DYNC2H1: variants seen among roughly 807,000 people sequenced by gnomAD.
DYNC2H1 encodes dynein cytoplasmic 2 heavy chain 1.
Under a neutral mutation model 570.0 loss-of-function variants are expected in DYNC2H1, and 410 were observed. That is an observed-to-expected ratio of 0.72 (90% CI 0.66 to 0.78). DYNC2H1 has a LOEUF of 0.78. DYNC2H1 is among the 30% of genes least tolerant of loss of function. The pLI, the probability that DYNC2H1 is intolerant of heterozygous loss-of-function variation, is 0.00. For missense variants in DYNC2H1, 4,865 were observed against 5,046.4 expected (o/e 0.96, Z 1.09); for synonymous variants, 1,688 against 1,677.6 (o/e 1.01, Z -0.15).
chr11:103,256,001 C>A lies in DYNC2H1; in HGVS notation c.10327-105C>A. 1.0e-6 allele frequency: 1 copy of A among 978,032 alleles called. No individual in the cohort carries two copies. Among genetic ancestry groups the A allele is most frequent in the Non-Finnish European group, 1.4e-6 (1 of 695,682 alleles). 60.6% of individuals were successfully genotyped at this position (978,032 alleles called of 1,614,324 possible). A position where few individuals can be genotyped will look rare whatever the true frequency, so the allele number is the denominator to read the frequency against. On this transcript the variant is annotated intron_variant, in intron 67 of 88. Transcript: ENST00000375735. The surrounding 1 kb of genome is among the most constrained non-coding windows in gnomAD (Gnocchi z 4.0). ...AAATGTTGAAATTCTTCTAAAATAA[C>A]ATAAGTTGCCATAAACATCAAATGA...
chr11:103,413,825 T>C (rs539828889), intron 84 of DYNC2H1, among the ~76,000 whole-genome samples: 1 of 152,306 alleles, frequency 6.6e-6, no homozygotes, highest in East Asian at 1.9e-4. Context: ...CTTTAATCTT[T>C]TGGAATTTTC....
At chr11:103,458,938 A>C (rs1692189049) in intron 87 of DYNC2H1, among the ~76,000 whole-genome samples, 1 of 151,960 alleles carries the variant, frequency 6.6e-6, no homozygotes, top group African/African-American at 2.4e-5. Flanking sequence ...TCCCAAAGCG[A>C]CCAGATTACA....
intron 75 of DYNC2H1, among the ~76,000 whole-genome samples, chr11:103,298,005 T>C (rs1361211684): frequency 2.3e-4 from 35 of 152,228 alleles, no homozygotes; most frequent in Non-Finnish European, 7.4e-5. Flanking sequence ...CTTCCCCACT[T>C]TAAGTCTATC....
intron 85 of DYNC2H1, among the ~76,000 whole-genome samples, chr11:103,443,758 AATATTATGTGTACCTAGTTTTT>A (rs1366939730): frequency 2.6e-5 from 4 of 151,812 alleles, no homozygotes; most frequent in Non-Finnish European, 4.4e-5. Flanking sequence ...TAAGTGAGAA[AATATTATGTGTACCTAGTTTTT>A]ATTTTTTTCT....
At chr11:103,121,886 G>T (rs1858729968) in intron 10 of DYNC2H1, among the ~76,000 whole-genome samples, 1 of 152,134 alleles carries the variant, frequency 6.6e-6, no homozygotes, top group African/African-American at 2.4e-5. Context: ...GGGATATTGA[G>T]GCTGCAGTGA....
At chr11:103,315,449 T>G (rs1462267610) in intron 79 of DYNC2H1, among the ~76,000 whole-genome samples, 1 of 152,128 alleles carries the variant, frequency 6.6e-6, no homozygotes, top group African/African-American at 2.4e-5. Flanking sequence ...GTGTTTCACT[T>G]ATTAAGAATG....
At chr11:103,387,385 T>C (rs1403779082) in intron 83 of DYNC2H1, among the ~76,000 whole-genome samples, 1 of 152,244 alleles carries the variant, frequency 6.6e-6, no homozygotes, top group African/African-American at 2.4e-5. Context: ...GAGTTCATTG[T>C]AGATTCTAGA....
intron 61 of DYNC2H1, 73 bp from the exon 62 acceptor site, chr11:103,235,599 A>G (rs2135198833): frequency 7.1e-7 from 1 of 1,413,064 alleles, no homozygotes; most frequent in Non-Finnish European, 9.3e-7. Context: ...AGTCAAAACC[A>G]TAAAACTGTC....
At chr11:103,310,094 A>G (rs1867506058) in intron 78 of DYNC2H1, among the ~76,000 whole-genome samples, 1 of 152,060 alleles carries the variant, frequency 6.6e-6, no homozygotes, top group Non-Finnish European at 1.5e-5. Flanking sequence ...TAAAATTGTT[A>G]AATTCACTTC....
At chr11:103,198,084 T>G (rs1326818520) in intron 48 of DYNC2H1, 21 bp downstream of exon 48, 10 of 1,548,178 alleles carry the variant, frequency 6.5e-6, no homozygotes, top group Non-Finnish European at 8.7e-6. Flanking sequence ...AATCATTAAT[T>G]GGAACTGGGA....
At chr11:103,350,443 G>A (rs1373506650) in intron 82 of DYNC2H1, among the ~76,000 whole-genome samples, 3 of 152,078 alleles carry the variant, frequency 2.0e-5, no homozygotes, top group Non-Finnish European at 4.4e-5. Flanking sequence ...TATGTGCAGT[G>A]TTGAATAAAC....
intron 40 of DYNC2H1, among the ~76,000 whole-genome samples, chr11:103,182,220 A>G (rs1261636290): frequency 1.3e-5 from 2 of 150,768 alleles, no homozygotes; most frequent in African/African-American, 4.9e-5. Context: ...GTAAATACCT[A>G]TATATATGAC....
intron 83 of DYNC2H1, among the ~76,000 whole-genome samples, chr11:103,385,937 G>T (rs1012001941): frequency 1.3e-5 from 2 of 152,074 alleles, no homozygotes; most frequent in African/African-American, 4.8e-5. Flanking sequence ...CAGAAATAAG[G>T]CCTGGGGCAA....
At chr11:103,172,449 A>G (rs1861614967) in intron 34 of DYNC2H1, among the ~76,000 whole-genome samples, 1 of 152,036 alleles carries the variant, frequency 6.6e-6, no homozygotes, top group Admixed American at 6.6e-5. Flanking sequence ...TCCCTGATTT[A>G]TATTTCTTCT....
At chr11:103,470,563 C>G (rs1363754200) in intron 88 of DYNC2H1, among the ~76,000 whole-genome samples, 5 of 152,140 alleles carry the variant, frequency 3.3e-5, no homozygotes, top group Non-Finnish European at 7.4e-5. Flanking sequence ...CTAATGCTAT[C>G]CCTCCCACCA....
At chr11:103,405,364 C>T (rs910041430) in intron 84 of DYNC2H1, 2 of 151,784 alleles carry the variant, frequency 1.3e-5, no homozygotes, top group Non-Finnish European at 2.9e-5. Context: ...GTTAATGGCT[C>T]CTAAAATAGA....
intron 47 of DYNC2H1, among the ~76,000 whole-genome samples, chr11:103,197,419 A>G (rs565064595): frequency 1.3e-5 from 2 of 152,014 alleles, no homozygotes; most frequent in Admixed American, 6.6e-5. Flanking sequence ...AGAGTTTGAT[A>G]TTGCAATTGA....
rs1017081615 is a variant in DYNC2H1, at chr11:103,205,068, T to C, written c.8454+104T>C. 1 of 1,024,616 alleles carries C rather than the reference T, an allele frequency of 9.8e-7. No individual in the cohort carries two copies. The highest frequency in any genetic ancestry group is 1.4e-6 in the Non-Finnish European group (1 of 720,606). 63.5% of individuals were successfully genotyped at this position (1,024,616 alleles called of 1,614,324 possible). A position where few individuals can be genotyped will look rare whatever the true frequency, so the allele number is the denominator to read the frequency against. On this transcript the variant is annotated intron_variant, in intron 52 of 88. Transcript: ENST00000375735. The surrounding 1 kb of genome is among the most constrained non-coding windows in gnomAD (Gnocchi z 4.5). The stretch of plus-strand genomic sequence containing the variant: ...GTTGGTTATAACATCACCTTAATTA[T>C]GGCACCAAACATCTCTTATGTTTGG...
At position 103,472,385 on chromosome 11, in the gene DYNC2H1, A is replaced by AAT. The variant is rs1555142812; in HGVS notation, c.12765+3680_12765+3681insAT. 7.3e-5 allele frequency among the ~76,000 whole-genome samples: 11 copies of AAT among 151,500 alleles called. No individual in the cohort carries two copies. Among genetic ancestry groups the AAT allele is most frequent in the East Asian group, 5.8e-4 (3 of 5,150 alleles). On this transcript the variant is annotated intron_variant, in intron 88 of 88. Coordinates refer to ENST00000375735, the MANE Select transcript of DYNC2H1 (RefSeq NM_001377.3). This position sits in a 1 kb window ranked among gnomAD's most constrained non-coding sequence, Gnocchi z 4.1. Reference sequence around the variant, plus strand: ...ATTAAATAAAAAAAGAATTAAAAAAATTTTTTTTAAAGAATTGAGAACAGG... The same window carrying AAT: ...ATTAAATAAAAAAAGAATTAAAAAAAATTTTTTTTTAAAGAATTGAGAACAGG...
Sources: allele counts gnomAD v4.1 joint callset (sites outside exome capture counted in the v4.1 genomes callset), GRCh38; gene constraint gnomAD v4.1.1; non-coding constraint Gnocchi (gnomAD v3.1); transcripts MANE v1.5; gene names NCBI Gene and HGNC (gene_info 2026-07-23, HGNC 2026-07-21).